The following LAMA2 variants were observed in gnomAD, a reference collection of about 807,000 sequenced individuals.
The protein encoded by LAMA2 is laminin subunit alpha 2, also known as laminin subunit alpha-2.
In LAMA2, 269 loss-of-function variants were observed where a neutral mutation model predicts 364.8. The ratio of observed to expected loss-of-function variants is 0.74; its 90% CI spans 0.67 to 0.82. The LOEUF (loss-of-function observed/expected upper bound fraction) is 0.82. Ranked by LOEUF, LAMA2 falls within the 40% of genes least tolerant of loss-of-function variation. The pLI is 0.00. For synonymous variants in LAMA2, 1,379 were observed against 1,370.6 expected, an observed-to-expected ratio of 1.01 and a Z score of -0.14; for missense variants, 3,807 against 3,873.2, an observed-to-expected ratio of 0.98 and a Z score of 0.45.
intron 1 of LAMA2, among the ~76,000 whole-genome samples, chr6:128,901,241 C>T (rs1169480072): frequency 6.6e-6 from 1 of 152,136 alleles, no homozygotes; most frequent in Non-Finnish European, 1.5e-5. Flanking sequence ...TTTCAAAAAT[C>T]CTATGCTTCT....
At chr6:129,145,210 G>A (rs1466553447) in intron 5 of LAMA2, among the ~76,000 whole-genome samples, 13 of 151,972 alleles carry the variant, frequency 8.6e-5, no homozygotes, top group Non-Finnish European at 5.9e-5. Context: ...AGGGTTAATA[G>A]TTACAGATCC....
At chr6:129,296,410 AC>A (rs536826483) in intron 20 of LAMA2, among the ~76,000 whole-genome samples, 18 of 152,104 alleles carry the variant, frequency 1.2e-4, no homozygotes, top group South Asian at 6.2e-4. Context: ...TTAATCATAT[AC>A]CACAATCTGA....
At chr6:129,038,189 A>T (rs1479718013) in intron 1 of LAMA2, among the ~76,000 whole-genome samples, 2 of 152,226 alleles carry the variant, frequency 1.3e-5, no homozygotes, top group Non-Finnish European at 2.9e-5. Flanking sequence ...TTGTACAACC[A>T]TTGAGTCTTT....
At chr6:129,059,589 T>G (rs978808287) in intron 2 of LAMA2, among the ~76,000 whole-genome samples, 195 bp from the exon 3 acceptor site, 1 of 152,192 alleles carries the variant, frequency 6.6e-6, no homozygotes, top group Admixed American at 6.5e-5. Flanking sequence ...CCTGCTACCT[T>G]GTATGGTGCT....
At chr6:129,492,157 T>C in intron 57 of LAMA2, 80 bp downstream of exon 57, 1 of 1,420,558 alleles carries the variant, frequency 7.0e-7, no homozygotes, top group Non-Finnish European at 1.0e-6. Flanking sequence ...ATCTACATTG[T>C]CTACAGCTAT....
chr6:129,093,253 T>C (rs1036458894), intron 3 of LAMA2, among the ~76,000 whole-genome samples: 1 of 151,322 alleles, frequency 6.6e-6, no homozygotes, highest in African/African-American at 2.4e-5. Flanking sequence ...CCTCCCAAAG[T>C]GCTGGGATTA....
intron 44 of LAMA2, among the ~76,000 whole-genome samples, chr6:129,445,414 C>T (rs1287578034): frequency 6.6e-6 from 1 of 152,178 alleles, no homozygotes; most frequent in Non-Finnish European, 1.5e-5. Context: ...ATATTCTCTA[C>T]CTTCAATGCT....
intron 4 of LAMA2, among the ~76,000 whole-genome samples, chr6:129,136,700 G>A (rs902506151): frequency 3.9e-5 from 6 of 152,186 alleles, no homozygotes; most frequent in Non-Finnish European, 8.8e-5. Flanking sequence ...AGACTGTTGT[G>A]TTGACTGAAG....
chr6:129,514,340 C>CCAT, intron 63 of LAMA2, 33 bp from the exon 64 acceptor site: 2 of 1,443,136 alleles, frequency 1.4e-6, no homozygotes, highest in South Asian at 2.3e-5. Flanking sequence ...TTTAATGAAA[C>CCAT]CATCTGTGAC....
At chr6:129,172,809 C>G (rs1583185608) in intron 9 of LAMA2, among the ~76,000 whole-genome samples, 1 of 152,224 alleles carries the variant, frequency 6.6e-6, no homozygotes, top group East Asian at 1.9e-4. Context: ...GACTGCTGTG[C>G]TAGCAATCAG....
chr6:129,094,689 A>G (rs950079592), intron 3 of LAMA2, among the ~76,000 whole-genome samples: 2 of 152,092 alleles, frequency 1.3e-5, no homozygotes, highest in Admixed American at 6.5e-5. Flanking sequence ...TTATATCTTT[A>G]AAAAAATCTC....
intron 3 of LAMA2, among the ~76,000 whole-genome samples, chr6:129,065,154 A>C (rs532658431): frequency 6.6e-6 from 1 of 152,348 alleles, no homozygotes; most frequent in South Asian, 2.1e-4. Context: ...AAGGACAAAA[A>C]TCATATGATC....
chr6:128,997,859 A>G (rs1273455497), intron 1 of LAMA2, among the ~76,000 whole-genome samples: 1 of 152,204 alleles, frequency 6.6e-6, no homozygotes, highest in Non-Finnish European at 1.5e-5. Context: ...TGTGTGTTGT[A>G]TAAATGAAGG....
chr6:129,081,543 C>T (rs940819701), intron 3 of LAMA2, among the ~76,000 whole-genome samples: 2 of 152,086 alleles, frequency 1.3e-5, no homozygotes, highest in Non-Finnish European at 2.9e-5. Context: ...AATTGTAGGT[C>T]CTTGATCGTA....
chr6:129,290,064 G>A (rs994834626), intron 19 of LAMA2, among the ~76,000 whole-genome samples: 13 of 151,988 alleles, frequency 8.6e-5, no homozygotes, highest in Admixed American at 6.6e-4. Flanking sequence ...TGTGTATATC[G>A]TTGGTGTCAT....
intron 9 of LAMA2, among the ~76,000 whole-genome samples, chr6:129,166,645 T>A (rs568333988): frequency 6.6e-6 from 1 of 152,314 alleles, no homozygotes; most frequent in South Asian, 2.1e-4. Context: ...GTTGTTTTCA[T>A]TAATATCATT....
At chr6:129,499,061 C>T (rs1375013802) in intron 58 of LAMA2, among the ~76,000 whole-genome samples, 1 of 152,136 alleles carries the variant, frequency 6.6e-6, no homozygotes, top group Admixed American at 6.5e-5. Context: ...TCAACAGGTG[C>T]ACCACCACGC....
At chr6:129,424,176 A>C (rs915879731) in intron 40 of LAMA2, among the ~76,000 whole-genome samples, 2 of 152,064 alleles carry the variant, frequency 1.3e-5, no homozygotes, top group Non-Finnish European at 2.9e-5. Context: ...ACAACAACAA[A>C]AAAAATGAAC....
intron 12 of LAMA2, among the ~76,000 whole-genome samples, chr6:129,238,576 T>TGAGA (rs1554254279): frequency 1.5e-5 from 1 of 64,766 alleles, no homozygotes; most frequent in African/African-American, 4.0e-5. Flanking sequence ...TGTGTGTGTG[T>TGAGA]GAGAGAGAGA....
Sources: gnomAD v4.1 joint callset for allele counts (sites outside exome capture counted in the v4.1 genomes callset) on GRCh38, gnomAD v4.1.1 for gene constraint, MANE v1.5 for transcripts, NCBI Gene and HGNC (gene_info 2026-07-23, HGNC 2026-07-21) for gene names.